Variants in LIN9 observed in about 807,000 individuals in gnomAD.
LIN9 encodes the protein lin-9 DREAM MuvB core complex component.
Under a neutral mutation model 78.0 loss-of-function variants are expected in LIN9, and 18 were observed. The ratio of observed to expected loss-of-function variants is 0.23; its 90% CI spans 0.16 to 0.34. The LOEUF (loss-of-function observed/expected upper bound fraction) is 0.34. Among genes scored for constraint, LIN9 ranks in the 10% least tolerant of loss-of-function variants. The pLI is 1.00. For missense variants in LIN9, 451 were observed against 644.1 expected, an observed-to-expected ratio of 0.70 and a Z score of 3.25; for synonymous variants, 192 against 215.2, an observed-to-expected ratio of 0.89 and a Z score of 0.94.
At chr1:226,283,374 C>T (rs1661193590) in intron 6 of LIN9, among the ~76,000 whole-genome samples, 1 of 140,914 alleles carries the variant, frequency 7.1e-6, no homozygotes, top group Non-Finnish European at 1.5e-5. Flanking sequence ...GATCTTCCTG[C>T]CTGAGCCTCC....
chr1:226,298,288 A>G (rs1243181384), intron 2 of LIN9, among the ~76,000 whole-genome samples: 1 of 152,200 alleles, frequency 6.6e-6, no homozygotes, highest in East Asian at 1.9e-4. Context: ...GGCTCACTGC[A>G]ACCTCTGCCT....
intron 11 of LIN9, among the ~76,000 whole-genome samples, chr1:226,247,674 C>CT (rs35184021): frequency 0.43 from 59,346 of 138,852 alleles, 12,837 homozygotes; most frequent in East Asian, 0.5. Context: ...TGTTTTCTTT[C>CT]TTTTTTTTTT....
chr1:226,270,534 A>G (rs1251593909), intron 7 of LIN9, among the ~76,000 whole-genome samples: 1 of 152,122 alleles, frequency 6.6e-6, no homozygotes, highest in African/African-American at 2.4e-5. Context: ...AGCTGTTATA[A>G]ATATGTTCAA....
rs117770707 is a variant in LIN9 at position 226,305,196 on chromosome 1, A to C, written c.31+3913T>G. Among the ~76,000 whole-genome samples the C allele has an allele frequency of 7.1e-4, 107 of 150,858 alleles. 1 individual carries two copies. In the East Asian group the frequency reaches 0.02, roughly 29 times the overall value. The stretch of plus-strand genomic sequence containing the variant: ...AAAAAAAAATAAAGATAGGCCCTGC[A>C]TGGTGGCTGAAGCCTGTAATCTCAG... On this transcript the variant is annotated intron_variant, in intron 1 of 14. Transcript: ENST00000681046.
chr1:226,235,336 A>AAG lies in LIN9; in HGVS notation c.1246-1814_1246-1813insCT, dbSNP rs1657624313. ...AAAATCCGTCTCAAAAAAAAAAAAA[A>AAG]AAAAAAAGAGTTTCAGGACTGCTAT... On this transcript the variant is annotated intron_variant, in intron 12 of 14. Transcript: ENST00000681046. Among the ~76,000 whole-genome samples the AAG allele has an allele frequency of 1.3e-5, 2 of 151,030 alleles. 1 individual carries two copies. Among genetic ancestry groups the AAG allele is most frequent in the East Asian group, 3.9e-4 (2 of 5,152 alleles).
At chr1:226,260,630 T>C (rs1021274095) in intron 10 of LIN9, among the ~76,000 whole-genome samples, 2 of 10,206 alleles carry the variant, frequency 2.0e-4, no homozygotes, top group South Asian at 3.9e-3. Context: ...CCAAATGAGT[T>C]TTTTTTTTTT....
At chr1:226,302,578 A>T (rs532860269) in intron 1 of LIN9, among the ~76,000 whole-genome samples, 1 of 152,136 alleles carries the variant, frequency 6.6e-6, no homozygotes, top group South Asian at 2.1e-4. Flanking sequence ...CCAATAGAGA[A>T]AGAAGCTTTT....
At position 226,275,522 on chromosome 1, in the gene LIN9, C is replaced by T. The variant is rs1035545267; in HGVS notation, c.682+2253G>A. Among the ~76,000 whole-genome samples the T allele has an allele frequency of 4.0e-5, 6 of 150,780 alleles. No homozygotes were observed. The East Asian group carries it at 9.8e-4, about 25-fold the overall frequency. On this transcript the variant is annotated intron_variant, in intron 7 of 14. Coordinates refer to ENST00000681046, the MANE Select transcript of LIN9 (RefSeq NM_001366245.2). Reference sequence around the variant, plus strand: ...CAGCCTGACCAATATGGTGAAACCCCGTCTCTACTAAAAATACAAAATATG... The same window carrying T: ...CAGCCTGACCAATATGGTGAAACCCTGTCTCTACTAAAAATACAAAATATG...
intron 6 of LIN9, among the ~76,000 whole-genome samples, chr1:226,279,207 G>A (rs1384152685): frequency 2.6e-5 from 4 of 151,936 alleles, no homozygotes; most frequent in African/African-American, 4.8e-5. Flanking sequence ...GGTGGCTCAT[G>A]TTTTAATCCT....
intron 1 of LIN9, among the ~76,000 whole-genome samples, chr1:226,304,602 G>C (rs1662782889): frequency 6.6e-6 from 1 of 152,204 alleles, no homozygotes; most frequent in Non-Finnish European, 1.5e-5. Context: ...TTTGAGTACA[G>C]ACGGTTTCTC....
upstream of LIN9, chr1:226,309,241 C>G (rs554149329): frequency 2.1e-4 from 284 of 1,359,978 alleles, no homozygotes; most frequent in Non-Finnish European, 2.1e-4. Flanking sequence ...GCTCGCTGCC[C>G]GCGGCGCCGC....
intron 7 of LIN9, among the ~76,000 whole-genome samples, chr1:226,271,267 TCA>T (rs1660254062): frequency 6.6e-6 from 1 of 152,214 alleles, no homozygotes; most frequent in South Asian, 2.1e-4. Flanking sequence ...TATCTGACAA[TCA>T]CAAAGTCCAG....
chr1:226,236,172 T>C (rs1014700931), intron 12 of LIN9, among the ~76,000 whole-genome samples: 1 of 152,004 alleles, frequency 6.6e-6, no homozygotes, highest in African/African-American at 2.4e-5. Context: ...TTTAATACTT[T>C]TCTAAAATTT....
chr1:226,301,631 G>A (rs1662539651), intron 1 of LIN9, among the ~76,000 whole-genome samples: 1 of 152,216 alleles, frequency 6.6e-6, no homozygotes, highest in Non-Finnish European at 1.5e-5. Context: ...TTCAGGGACT[G>A]TCAGAGCAAG....
rs1207466223 is a variant in LIN9, at chr1:226,268,010, T to C, written c.763A>G (p.Thr255Ala). ...VDTLNATYRV[T>A]FDRTGLGTHT... ...GTTCCAAGCCCTGTCCTATCAAAAG[T>C]TACTCTATAAGTAGCATTAAGAGTA... The change falls in exon 8 of 15, where the codon ACT becomes GCT. Residue 255 changes from threonine (T) to alanine (A), a missense_variant. Coordinates refer to ENST00000681046, the MANE Select transcript of LIN9 (RefSeq NM_001366245.2). The C allele has an allele frequency of 1.9e-6, 3 of 1,613,756 alleles. No individual in the cohort carries two copies. The highest frequency in any genetic ancestry group is 8.5e-7 in the Non-Finnish European group (1 of 1,179,770).
intron 4 of LIN9, among the ~76,000 whole-genome samples, chr1:226,292,712 T>A (rs928871189): frequency 1.3e-5 from 2 of 152,166 alleles, no homozygotes; most frequent in African/African-American, 4.8e-5. Context: ...CCTCCCACCT[T>A]GGCCTCTCAA....
At chr1:226,233,913 T>A (rs149490318) in intron 12 of LIN9, among the ~76,000 whole-genome samples, 1 of 152,336 alleles carries the variant, frequency 6.6e-6, no homozygotes, top group East Asian at 1.9e-4. Flanking sequence ...CCAGTTTGTA[T>A]TTCCTTGGTA....
chr1:226,307,880 C>G (rs1055462215), intron 1 of LIN9, among the ~76,000 whole-genome samples: 1 of 152,230 alleles, frequency 6.6e-6, no homozygotes, highest in Non-Finnish European at 1.5e-5. Flanking sequence ...CAAAAGAGAA[C>G]AGTTCTATCA....
At chr1:226,290,472 C>T (rs1420637831) in intron 4 of LIN9, among the ~76,000 whole-genome samples, 2 of 151,914 alleles carry the variant, frequency 1.3e-5, no homozygotes, top group African/African-American at 4.8e-5. Context: ...TCCCGAGTAG[C>T]TGGGACTACA....
Sources: gnomAD v4.1 joint callset for allele counts (sites outside exome capture counted in the v4.1 genomes callset) on GRCh38, gnomAD v4.1.1 for gene constraint, MANE v1.5 for transcripts, NCBI Gene and HGNC (gene_info 2026-07-23, HGNC 2026-07-21) for gene names.